The following ADAMTS3 variants were observed in gnomAD, a reference collection of about 807,000 sequenced individuals.
ADAMTS3 encodes the protein ADAM metallopeptidase with thrombospondin type 1 motif 3.
A neutral mutation model predicts 129.0 loss-of-function variants in ADAMTS3; 73 were observed. The observed-to-expected ratio is 0.57, with a 90% confidence interval of 0.47 to 0.69. The LOEUF is 0.69. ADAMTS3 is among the 30% of genes least tolerant of loss of function. The pLI is 0.00. For synonymous variants in ADAMTS3, 477 were observed against 510.8 expected, an observed-to-expected ratio of 0.93 and a Z score of 0.89; for missense variants, 1,457 against 1,514.5, an observed-to-expected ratio of 0.96 and a Z score of 0.63.
intron 3 of ADAMTS3, among the ~76,000 whole-genome samples, chr4:72,435,840 AC>A (rs564387477): frequency 2.0e-5 from 3 of 152,166 alleles, no homozygotes; most frequent in African/African-American, 7.2e-5. Context: ...TTACACCTAT[AC>A]AAAAATTAAT....
At chr4:72,312,061 A>G in intron 13 of ADAMTS3, 2 of 441,794 alleles carry the variant, frequency 4.5e-6, no homozygotes, top group East Asian at 6.4e-5. Flanking sequence ...TGGTCTTTTC[A>G]CCGCTGATGG....
chr4:72,483,712 C>G (rs1338575199), intron 3 of ADAMTS3, among the ~76,000 whole-genome samples: 1 of 152,032 alleles, frequency 6.6e-6, no homozygotes, highest in African/African-American at 2.4e-5. Context: ...CAAAGAATAC[C>G]CAAACCTTCA....
At chr4:72,353,335 C>G (rs886528926) in intron 4 of ADAMTS3, among the ~76,000 whole-genome samples, 2 of 151,996 alleles carry the variant, frequency 1.3e-5, no homozygotes, top group Non-Finnish European at 2.9e-5. Context: ...CCACATGAGA[C>G]TTTGGTTAAA....
chr4:72,446,680 GC>G (rs1472398679), intron 3 of ADAMTS3, among the ~76,000 whole-genome samples: 1 of 151,608 alleles, frequency 6.6e-6, no homozygotes, highest in Non-Finnish European at 1.5e-5. Context: ...TTAATATGAG[GC>G]CTTACAAACT....
At chr4:72,296,226 T>C (rs1718804895) in intron 18 of ADAMTS3, among the ~76,000 whole-genome samples, 1 of 151,902 alleles carries the variant, frequency 6.6e-6, no homozygotes, top group African/African-American at 2.4e-5. Context: ...AATACTGAAG[T>C]TCAAATAGTA....
intron 5 of ADAMTS3, among the ~76,000 whole-genome samples, chr4:72,336,629 T>C (rs1309027537): frequency 6.6e-6 from 1 of 152,192 alleles, no homozygotes; most frequent in Admixed American, 6.5e-5. Context: ...CCTAAAGTTG[T>C]CTGCCTGACT....
chr4:72,464,564 T>C (rs7674252), intron 3 of ADAMTS3, among the ~76,000 whole-genome samples: 37,974 of 151,868 alleles, frequency 0.25, 5,122 homozygotes, highest in East Asian at 0.45. Flanking sequence ...TAGCAAACAT[T>C]TATTGAACAT....
At chr4:72,412,248 C>G (rs918904612) in intron 4 of ADAMTS3, among the ~76,000 whole-genome samples, 1 of 151,952 alleles carries the variant, frequency 6.6e-6, no homozygotes, top group Non-Finnish European at 1.5e-5. Flanking sequence ...TCCTAAATAA[C>G]TCATTAAGAA....
intron 3 of ADAMTS3, among the ~76,000 whole-genome samples, chr4:72,440,735 C>G (rs1441050944): frequency 6.6e-6 from 1 of 151,682 alleles, no homozygotes; most frequent in African/African-American, 2.4e-5. Flanking sequence ...ACAAAAAGAA[C>G]AATTCAAGAA....
chr4:72,499,951 T>C (rs1719968893), intron 3 of ADAMTS3, among the ~76,000 whole-genome samples: 1 of 152,304 alleles, frequency 6.6e-6, no homozygotes, highest in Non-Finnish European at 1.5e-5. Flanking sequence ...GCAAAGGATA[T>C]GATTTCATTC....
chr4:72,329,658 C>A (rs1312987782), intron 5 of ADAMTS3, among the ~76,000 whole-genome samples: 1 of 151,890 alleles, frequency 6.6e-6, no homozygotes, highest in Non-Finnish European at 1.5e-5. Flanking sequence ...TCTAGACAGT[C>A]ACTCCAAAAA....
chr4:72,547,982 T>C (rs1249270175), intron 3 of ADAMTS3, among the ~76,000 whole-genome samples: 2 of 152,172 alleles, frequency 1.3e-5, no homozygotes, highest in African/African-American at 4.8e-5. Context: ...ATTCATAAAG[T>C]AATGTTATTT....
At chr4:72,310,079 AC>A (rs551509165) in intron 14 of ADAMTS3, among the ~76,000 whole-genome samples, 6 of 152,146 alleles carry the variant, frequency 3.9e-5, no homozygotes, top group Admixed American at 1.3e-4. Flanking sequence ...CAATATCTAA[AC>A]CCATATTTAA....
intron 4 of ADAMTS3, among the ~76,000 whole-genome samples, chr4:72,413,796 C>T (rs1284745224): frequency 6.6e-6 from 1 of 151,930 alleles, no homozygotes; most frequent in African/African-American, 2.4e-5. Context: ...TCTACAGTGA[C>T]TCTCTAAGCT....
chr4:72,527,288 C>G (rs948436735), intron 3 of ADAMTS3, among the ~76,000 whole-genome samples: 1 of 152,098 alleles, frequency 6.6e-6, no homozygotes, highest in Non-Finnish European at 1.5e-5. Flanking sequence ...CTTCCTTGAC[C>G]CTTAGCCTAG....
chr4:72,394,354 CAT>C (rs1433707634), intron 4 of ADAMTS3, among the ~76,000 whole-genome samples: 1 of 152,158 alleles, frequency 6.6e-6, no homozygotes, highest in Non-Finnish European at 1.5e-5. Context: ...CAAGTCCAGT[CAT>C]GTGCTTTCAC....
intron 3 of ADAMTS3, among the ~76,000 whole-genome samples, chr4:72,544,778 A>G (rs1721423595): frequency 6.6e-6 from 1 of 152,196 alleles, no homozygotes; most frequent in Admixed American, 6.5e-5. Flanking sequence ...AAAGAATAGA[A>G]AGCATTACTT....
intron 11 of ADAMTS3, among the ~76,000 whole-genome samples, chr4:72,315,479 C>T (rs1379335278): frequency 6.6e-6 from 1 of 152,110 alleles, no homozygotes; most frequent in Admixed American, 6.5e-5. Flanking sequence ...TGGAGTGGTG[C>T]AGCCACAAAT....
chr4:72,373,735 C>CA (rs1309588328), intron 4 of ADAMTS3, among the ~76,000 whole-genome samples: 3 of 151,616 alleles, frequency 2.0e-5, no homozygotes, highest in African/African-American at 4.8e-5. Flanking sequence ...CCCGTCTCTA[C>CA]AAAAAATACA....
Sources: gnomAD v4.1 joint callset for allele counts (sites outside exome capture counted in the v4.1 genomes callset) on GRCh38, gnomAD v4.1.1 for gene constraint, MANE v1.5 for transcripts, NCBI Gene and HGNC (gene_info 2026-07-23, HGNC 2026-07-21) for gene names.